Variants in BCKDHB observed in about 807,000 individuals in gnomAD.
BCKDHB encodes the protein 2-oxoisovalerate dehydrogenase subunit beta, mitochondrial.
A neutral mutation model predicts 48.5 loss-of-function variants in BCKDHB; 41 were observed. The observed-to-expected ratio is 0.85, with a 90% CI of 0.66 to 1.10. BCKDHB has a LOEUF of 1.10. BCKDHB is among the 50% of genes least tolerant of loss of function. The pLI, the probability that BCKDHB is intolerant of heterozygous loss-of-function variation, is 0.00. For synonymous variants in BCKDHB, 201 were observed against 174.8 expected, an observed-to-expected ratio of 1.15 and a Z score of -1.18; for missense variants, 496 against 494.2, an observed-to-expected ratio of 1.00 and a Z score of -0.03.
chr6:80,174,532 C>T (rs1005163000), intron 6 of BCKDHB, among the ~76,000 whole-genome samples: 1 of 152,052 alleles, frequency 6.6e-6, no homozygotes, highest in African/African-American at 2.4e-5. Context: ...TATTTTCCAC[C>T]CACATTTAGT....
rs1263105975 is a variant in BCKDHB at position 80,125,851 on chromosome 6, T to C, written c.197-1696T>C. Among the ~76,000 whole-genome samples, 23 of 152,060 alleles carry C rather than the reference T, an allele frequency of 1.5e-4. 1 individual carries two copies. Among genetic ancestry groups the C allele is most frequent in the Admixed American group, 1.5e-3 (23 of 15,248 alleles). Reference sequence around the variant, plus strand: ...ATCATGATAACAGATGTAATAGTAATGAAAAAGTTTGAAATATTGTGAGAA... The same window carrying C: ...ATCATGATAACAGATGTAATAGTAACGAAAAAGTTTGAAATATTGTGAGAA... On this transcript the variant is annotated intron_variant, in intron 1 of 9. Transcript: ENST00000320393.
intron 8 of BCKDHB, among the ~76,000 whole-genome samples, chr6:80,216,799 A>G (rs1775193587): frequency 6.6e-6 from 1 of 152,280 alleles, no homozygotes; most frequent in Middle Eastern, 3.4e-3. Context: ...TTTTTTTACG[A>G]AATTGTATTT....
intron 8 of BCKDHB, among the ~76,000 whole-genome samples, chr6:80,251,064 A>G (rs551652218): frequency 4.6e-5 from 7 of 152,308 alleles, no homozygotes; most frequent in African/African-American, 1.7e-4. Flanking sequence ...ACTAGATAGT[A>G]TTAATAGTTA....
chr6:80,139,919 A>T (rs1025426281), intron 3 of BCKDHB, among the ~76,000 whole-genome samples: 1 of 152,158 alleles, frequency 6.6e-6, no homozygotes, highest in Non-Finnish European at 1.5e-5. Flanking sequence ...CACGATATTG[A>T]TTCTTCCTAT....
the BCKDHB span, among the ~76,000 whole-genome samples, chr6:80,448,206 G>A: frequency 3.3e-5 from 5 of 152,126 alleles, no homozygotes; most frequent in South Asian, 2.1e-4. Context: ...TTGTATGTTG[G>A]AGGAATGCAA....
the BCKDHB span, among the ~76,000 whole-genome samples, chr6:80,404,807 G>C: frequency 2.0e-5 from 3 of 151,766 alleles, no homozygotes; most frequent in African/African-American, 7.3e-5. Context: ...TTCACTGTTT[G>C]TTTAGTAGAG....
At chr6:80,109,034 T>A (rs1010931409) in intron 1 of BCKDHB, among the ~76,000 whole-genome samples, 20 of 152,080 alleles carry the variant, frequency 1.3e-4, no homozygotes, top group African/African-American at 4.8e-4. Flanking sequence ...TTCACTGGAG[T>A]TTTTATAACC....
the BCKDHB span, among the ~76,000 whole-genome samples, chr6:80,430,386 T>G: frequency 6.6e-6 from 1 of 152,108 alleles, no homozygotes; most frequent in African/African-American, 2.4e-5. Flanking sequence ...AGAAAATGAG[T>G]TATGGAGGAT....
At chr6:80,437,006 G>A in the BCKDHB span, among the ~76,000 whole-genome samples, 3 of 152,184 alleles carry the variant, frequency 2.0e-5, no homozygotes, top group African/African-American at 7.2e-5. Flanking sequence ...TTTTAGAATT[G>A]TTTTAATATA....
intron 6 of BCKDHB, among the ~76,000 whole-genome samples, chr6:80,200,063 CAAAAAAAAAA>C (rs55737130): frequency 0.012 from 401 of 32,780 alleles, 7 homozygotes; most frequent in African/African-American, 0.035. Flanking sequence ...GACCCTGTCT[CAAAAAAAAAA>C]AAAAAAAAAA....
chr6:80,274,705 T>A (rs915840971), intron 9 of BCKDHB, among the ~76,000 whole-genome samples: 1 of 152,064 alleles, frequency 6.6e-6, no homozygotes. Flanking sequence ...ATACTATAAC[T>A]CCTCTTGTGA....
chr6:80,143,738 A>G (rs1582224859), intron 3 of BCKDHB, among the ~76,000 whole-genome samples: 1 of 152,280 alleles, frequency 6.6e-6, no homozygotes, highest in Non-Finnish European at 1.5e-5. Context: ...TTTAGCAGTG[A>G]AATGCTTGAC....
Position 80,316,604 on chromosome 6 carries a change from TC to T in BCKDHB, c.1039-27057del, listed in dbSNP as rs1768458750. Among the ~76,000 whole-genome samples, 5 of 152,212 alleles carry T rather than the reference TC, an allele frequency of 3.3e-5. No homozygotes were observed. In the South Asian group the frequency reaches 1.0e-3, roughly 31 times the overall value. On this transcript the variant is annotated intron_variant, in intron 9 of 9. Transcript: ENST00000320393. ...GAGAAAATTATGAAATCAAGGTACT[TC>T]CCACAAGGAATTCTTAAAGGGCTTT...
rs1465884916 is a variant in BCKDHB, at chr6:80,310,963, A to C, written c.1039-32701A>C. On this transcript the variant is annotated intron_variant, in intron 9 of 9. Coordinates refer to ENST00000320393, the MANE Select transcript of BCKDHB (RefSeq NM_183050.4). ...TTAATGAGGTTCTTTTTTTCTTGTA[A>C]ATTTGTTTAAGTTCCTTATAAATGC... Among the ~76,000 whole-genome samples, 4 of 152,008 alleles carry C rather than the reference A, an allele frequency of 2.6e-5. 1 individual carries two copies. The highest frequency in any genetic ancestry group is 4.2e-4 in the South Asian group (2 of 4,806).
At chr6:80,232,735 CTATA>C (rs1464288656) in intron 8 of BCKDHB, among the ~76,000 whole-genome samples, 38 of 144,126 alleles carry the variant, frequency 2.6e-4, no homozygotes, top group Admixed American at 2.4e-3. Flanking sequence ...TATGTATGTT[CTATA>C]TAGAGATATG....
chr6:80,268,237 A>G (rs1777595246), intron 8 of BCKDHB, among the ~76,000 whole-genome samples: 1 of 152,126 alleles, frequency 6.6e-6, no homozygotes, highest in Non-Finnish European at 1.5e-5. Flanking sequence ...CAAAAAATGT[A>G]TCTAATTCAG....
the BCKDHB span, among the ~76,000 whole-genome samples, chr6:80,372,681 G>C: frequency 5.3e-5 from 8 of 152,164 alleles, no homozygotes; most frequent in Non-Finnish European, 8.8e-5. Context: ...TTTGTCAAAT[G>C]CTTTTTCTAC....
At chr6:80,426,387 T>A in the BCKDHB span, among the ~76,000 whole-genome samples, 1 of 152,142 alleles carries the variant, frequency 6.6e-6, no homozygotes, top group East Asian at 1.9e-4. Context: ...TAACTTGCAT[T>A]CTCCTTCTAG....
chr6:80,270,843 G>T (rs1777709397), intron 8 of BCKDHB, among the ~76,000 whole-genome samples: 1 of 151,998 alleles, frequency 6.6e-6, no homozygotes, highest in African/African-American at 2.4e-5. Context: ...GGATTCCTTT[G>T]TTTCTGAAGC....
Sources: allele counts gnomAD v4.1 joint callset (sites outside exome capture counted in the v4.1 genomes callset), GRCh38; gene constraint gnomAD v4.1.1; transcripts MANE v1.5; gene names NCBI Gene and HGNC (gene_info 2026-07-23, HGNC 2026-07-21).